The following CNTLN variants were observed in gnomAD, a reference collection of about 807,000 sequenced individuals.
CNTLN encodes centlein, centrosomal protein.
CNTLN carries 212 observed loss-of-function variants against 180.0 expected under a neutral mutation model. The observed-to-expected ratio is 1.18, with a 90% CI of 1.05 to 1.32. CNTLN has a LOEUF of 1.32. Among genes scored for constraint, CNTLN ranks in the 40% most tolerant of loss-of-function variants. The probability of loss-of-function intolerance (pLI) is 0.00; values close to 1 mark genes in which losing one functional copy is unlikely to be tolerated. For missense variants in CNTLN, 2,095 were observed against 1,610.9 expected (o/e 1.30, Z -5.14); for synonymous variants, 722 against 563.1 (o/e 1.28, Z -3.99).
chr9:17,306,455 C>T (rs948243078), intron 7 of CNTLN, among the ~76,000 whole-genome samples: 1 of 152,100 alleles, frequency 6.6e-6, no homozygotes, highest in African/African-American at 2.4e-5. Context: ...GACCAGTGCT[C>T]TATTTTATGA....
chr9:17,211,738 T>A (rs1373220859), intron 2 of CNTLN, among the ~76,000 whole-genome samples: 1 of 152,178 alleles, frequency 6.6e-6, no homozygotes, highest in Non-Finnish European at 1.5e-5. Context: ...TTTTGAGCAG[T>A]GGTTTGTAGT....
intron 2 of CNTLN, among the ~76,000 whole-genome samples, chr9:17,176,754 T>C (rs1820742284): frequency 2.0e-5 from 3 of 152,212 alleles, no homozygotes; most frequent in Admixed American, 2.0e-4. Flanking sequence ...CAATTCGCTT[T>C]CCTTAATAGT....
At chr9:17,365,353 T>C (rs10123745) in intron 12 of CNTLN, among the ~76,000 whole-genome samples, 86,318 of 152,026 alleles carry the variant, frequency 0.57, 25,061 homozygotes, top group East Asian at 0.73. Flanking sequence ...TCCTCAGCCA[T>C]GCTTCCTGTA....
chr9:17,518,665 G>C, the CNTLN span, among the ~76,000 whole-genome samples: 2 of 152,206 alleles, frequency 1.3e-5, no homozygotes, highest in Non-Finnish European at 2.9e-5. Flanking sequence ...CTGCTCAGAA[G>C]TGGAGTGAGG....
chr9:17,306,301 C>T (rs1818709247), intron 7 of CNTLN, among the ~76,000 whole-genome samples: 1 of 152,080 alleles, frequency 6.6e-6, no homozygotes, highest in African/African-American at 2.4e-5. Flanking sequence ...AGGCGTGTGC[C>T]ACCATGCCCA....
chr9:17,437,315 A>G (rs558095618), intron 18 of CNTLN, among the ~76,000 whole-genome samples: 219 of 152,340 alleles, frequency 1.4e-3, no homozygotes, highest in African/African-American at 4.8e-3. Context: ...ATAAAATTGC[A>G]CTTCTTATAC....
intron 15 of CNTLN, among the ~76,000 whole-genome samples, chr9:17,398,406 G>A (rs4961557): frequency 0.5 from 75,287 of 151,952 alleles, 19,859 homozygotes; most frequent in Non-Finnish European, 0.59. Context: ...AGTGATGGGG[G>A]GAGGGGGAGT....
chr9:17,149,723 T>C (rs1818722195), intron 2 of CNTLN, among the ~76,000 whole-genome samples: 1 of 152,030 alleles, frequency 6.6e-6, no homozygotes, highest in Admixed American at 6.6e-5. Flanking sequence ...TTCACCATGT[T>C]AGCCAGGATG....
chr9:17,497,655 C>G (rs183813441), intron 25 of CNTLN, among the ~76,000 whole-genome samples: 3 of 152,278 alleles, frequency 2.0e-5, no homozygotes, highest in Non-Finnish European at 4.4e-5. Context: ...CAGGCACAGC[C>G]TTCTCTGTCC....
At chr9:17,237,696 C>T (rs1267913521) in intron 5 of CNTLN, among the ~76,000 whole-genome samples, 1 of 151,808 alleles carries the variant, frequency 6.6e-6, no homozygotes, top group African/African-American at 2.4e-5. Flanking sequence ...AGACCCCTGG[C>T]TGGGTTCAAT....
chr9:17,298,504 T>G, intron 7 of CNTLN, 152 bp downstream of exon 7: 1 of 1,327,788 alleles, frequency 7.5e-7, no homozygotes, highest in Middle Eastern at 2.8e-4. Context: ...TGGTTCAATT[T>G]GATAACATTT....
At chr9:17,381,926 C>G (rs1169099379) in intron 13 of CNTLN, among the ~76,000 whole-genome samples, 1 of 152,104 alleles carries the variant, frequency 6.6e-6, no homozygotes, top group Non-Finnish European at 1.5e-5. Context: ...CATACAATTT[C>G]TTGAGTTCTA....
intron 3 of CNTLN, among the ~76,000 whole-genome samples, chr9:17,228,258 A>G (rs1172846587): frequency 1.3e-5 from 2 of 152,034 alleles, no homozygotes; most frequent in African/African-American, 4.8e-5. Context: ...TCTTTGCTAA[A>G]TTCTTTGTCT....
intron 5 of CNTLN, among the ~76,000 whole-genome samples, chr9:17,244,678 A>G (rs1251611064): frequency 6.6e-6 from 1 of 151,800 alleles, no homozygotes; most frequent in Non-Finnish European, 1.5e-5. Context: ...CCTGCCATTT[A>G]TTATTTGCTT....
chr9:17,517,995 C>G, the CNTLN span, among the ~76,000 whole-genome samples: 1 of 150,516 alleles, frequency 6.6e-6, no homozygotes, highest in Non-Finnish European at 1.5e-5. Context: ...CTAATCACCT[C>G]CTACCCCCAC....
intron 2 of CNTLN, among the ~76,000 whole-genome samples, chr9:17,184,589 G>A (rs553128458): frequency 6.6e-6 from 1 of 152,232 alleles, no homozygotes; most frequent in East Asian, 1.9e-4. Flanking sequence ...ATTGTATTGG[G>A]GGAGAAGTGG....
At chr9:17,216,732 C>G (rs2132018199) in intron 2 of CNTLN, among the ~76,000 whole-genome samples, 1 of 152,306 alleles carries the variant, frequency 6.6e-6, no homozygotes, top group African/African-American at 2.4e-5. Flanking sequence ...CCTCCTGCTC[C>G]TTTCCACTCT....
In CNTLN at chr9:17,190,768, G is replaced by A. The variant is rs1278809674; in HGVS notation, c.450-35435G>A. Among the ~76,000 whole-genome samples the A allele has an allele frequency of 2.0e-5, 3 of 152,114 alleles. No homozygotes were observed. The East Asian group carries it at 5.8e-4, about 29-fold the overall frequency. ...TGAGTCTGGTGAAATGCTGAAAATG[G>A]TACAGGAAGAAGTGAGATTAGGAAG... On this transcript the variant is annotated intron_variant, in intron 2 of 25. Coordinates refer to ENST00000380647, the MANE Select transcript of CNTLN (RefSeq NM_017738.4).
At chr9:17,526,645 T>A in the CNTLN span, among the ~76,000 whole-genome samples, 1 of 152,210 alleles carries the variant, frequency 6.6e-6, no homozygotes, top group Non-Finnish European at 1.5e-5. Context: ...GGGAATCATT[T>A]GAAACCTATT....
Sources: allele counts gnomAD v4.1 joint callset (sites outside exome capture counted in the v4.1 genomes callset), GRCh38; gene constraint gnomAD v4.1.1; transcripts MANE v1.5; gene names NCBI Gene and HGNC (gene_info 2026-07-23, HGNC 2026-07-21).